Variants in NRXN1 observed in about 807,000 individuals in gnomAD.
NRXN1 encodes the protein neurexin 1, also known as neurexin-1.
In NRXN1, 39 loss-of-function variants were observed where a neutral mutation model predicts 150.9. The ratio of observed to expected loss-of-function variants is 0.26; its 90% CI spans 0.20 to 0.34. The LOEUF (loss-of-function observed/expected upper bound fraction) is 0.34. Among genes scored for constraint, NRXN1 ranks in the 10% least tolerant of loss-of-function variants. NRXN1 has a pLI of 1.00. For missense variants in NRXN1, 1,815 were observed against 1,949.9 expected (o/e 0.93, Z 1.30); for synonymous variants, 924 against 757.0 (o/e 1.22, Z -3.62).
chr2:50,207,401 A>AT (rs1486133214), intron 18 of NRXN1: 3 of 152,124 alleles, frequency 2.0e-5, no homozygotes, highest in East Asian at 3.9e-4. Context: ...TGGAAAAAAT[A>AT]TTTTTTTATT....
intron 15 of NRXN1, among the ~76,000 whole-genome samples, chr2:50,483,275 A>AT (rs1396552240): frequency 6.6e-6 from 1 of 152,048 alleles, no homozygotes; most frequent in Admixed American, 6.5e-5. Context: ...CAGTTCTGGG[A>AT]ATTTCCCACT....
Position 50,616,601 on chromosome 2 carries a change from C to A in NRXN1, c.1320+3421G>T, listed in dbSNP as rs1236380634. The A allele has an allele frequency of 2.0e-5, 3 of 151,982 alleles. No homozygotes were observed. The East Asian group carries it at 5.8e-4, about 29-fold the overall frequency. 9.4% of individuals were successfully genotyped at this position (151,982 alleles called of 1,614,324 possible). On this transcript the variant is annotated intron_variant, in intron 8 of 22. Coordinates refer to ENST00000401669, the MANE Select transcript of NRXN1 (RefSeq NM_001330078.2). ...TCGGCCATTTAAATATTATATTTTC[C>A]TTGATAGGGTTCTGTATTCTAATCC...
At chr2:50,909,302 T>A (rs1425340328) in intron 5 of NRXN1, among the ~76,000 whole-genome samples, 1 of 152,074 alleles carries the variant, frequency 6.6e-6, no homozygotes, top group East Asian at 1.9e-4. Context: ...AAGTACAGCC[T>A]TCTGAAAGCA....
intron 2 of NRXN1, among the ~76,000 whole-genome samples, chr2:50,993,107 T>C (rs1367819450): frequency 6.6e-6 from 1 of 151,944 alleles, no homozygotes; most frequent in Non-Finnish European, 1.5e-5. Context: ...ATTTGAAGCA[T>C]ACATGTATTA....
chr2:50,218,985 G>A (rs1038099487), intron 18 of NRXN1, among the ~76,000 whole-genome samples: 4 of 151,774 alleles, frequency 2.6e-5, no homozygotes, highest in Non-Finnish European at 2.9e-5. Flanking sequence ...ATTGCCAATG[G>A]ATTTAAATGT....
At chr2:50,557,775 T>G (rs1450875391) in intron 8 of NRXN1, among the ~76,000 whole-genome samples, 1 of 152,218 alleles carries the variant, frequency 6.6e-6, no homozygotes, top group African/African-American at 2.4e-5. Flanking sequence ...GCTACACAAT[T>G]TAATTGTCAT....
At chr2:50,795,926 C>T (rs1706761516) in intron 5 of NRXN1, among the ~76,000 whole-genome samples, 1 of 151,752 alleles carries the variant, frequency 6.6e-6, no homozygotes, top group African/African-American at 2.4e-5. Flanking sequence ...CAATAATGTA[C>T]TGAGTCAGGG....
intron 2 of NRXN1, chr2:50,964,107 G>T: frequency 3.4e-6 from 1 of 292,646 alleles, no homozygotes; most frequent in African/African-American, 2.2e-5. Flanking sequence ...TTTCGACAAC[G>T]ATTACAAAAT....
chr2:50,691,646 T>A (rs867221103), intron 5 of NRXN1, among the ~76,000 whole-genome samples: 1 of 152,158 alleles, frequency 6.6e-6, no homozygotes, highest in Non-Finnish European at 1.5e-5. Flanking sequence ...TTATATAGAA[T>A]CGGCAGATTG....
rs145935176 is a variant in NRXN1, at chr2:50,024,394, G to T, written c.4128+28877C>A. 2.5e-3 allele frequency among the ~76,000 whole-genome samples: 376 copies of T among 152,204 alleles called. 2 individuals carry two copies. The highest frequency in any genetic ancestry group is 8.8e-3 in the African/African-American group (364 of 41,534). On this transcript the variant is annotated intron_variant, in intron 21 of 22. Coordinates refer to ENST00000401669, the MANE Select transcript of NRXN1 (RefSeq NM_001330078.2). ...AGGTTAAACTCAAGATAATAAAAAG[G>T]TTTCCCCTTGGTCTTATGCCCTACT...
chr2:50,846,913 C>G (rs1673742450), intron 5 of NRXN1, among the ~76,000 whole-genome samples: 1 of 152,018 alleles, frequency 6.6e-6, no homozygotes, highest in South Asian at 2.1e-4. Context: ...ACAGGCAATC[C>G]TACAATTTTT....
In NRXN1 at chr2:50,599,011, A is replaced by T. The variant is rs560839440; in HGVS notation, c.1320+21011T>A. On this transcript the variant is annotated intron_variant, in intron 8 of 22. Transcript: ENST00000401669. ...GCTCTCGAACTCCTGACCTAAAGTG[A>T]TCCACTCGCCTCAGCCTCCCAAAGT... Among the ~76,000 whole-genome samples the T allele has an allele frequency of 2.3e-4, 35 of 152,116 alleles. No homozygotes were observed. In the Middle Eastern group the frequency reaches 0.01, roughly 44 times the overall value.
In NRXN1 at chr2:50,069,163, A is replaced by G. The variant is rs150524076; in HGVS notation, c.3719-14119T>C. Among the ~76,000 whole-genome samples the G allele has an allele frequency of 7.9e-5, 12 of 152,322 alleles. No individual in the cohort carries two copies. In the East Asian group the frequency reaches 2.3e-3, roughly 29 times the overall value. On this transcript the variant is annotated intron_variant, in intron 19 of 22. Coordinates refer to ENST00000401669, the MANE Select transcript of NRXN1 (RefSeq NM_001330078.2). ...CTTTGGATAGCAATGAAGTCTTAAA[A>G]TGACATTTTAATCCATATATTAATG...
At chr2:50,355,841 T>A (rs1302133520) in intron 17 of NRXN1, among the ~76,000 whole-genome samples, 1 of 152,162 alleles carries the variant, frequency 6.6e-6, no homozygotes, top group Non-Finnish European at 1.5e-5. Flanking sequence ...TATCACCATG[T>A]TTAGTGGTTA....
intron 17 of NRXN1, among the ~76,000 whole-genome samples, chr2:50,286,599 T>C (rs2072213031): frequency 6.6e-6 from 1 of 152,096 alleles, no homozygotes; most frequent in Admixed American, 6.6e-5. Flanking sequence ...CATCTTAATG[T>C]GCCACAGATA....
At chr2:50,192,088 T>C (rs1031707832) in intron 18 of NRXN1, among the ~76,000 whole-genome samples, 2 of 152,164 alleles carry the variant, frequency 1.3e-5, no homozygotes, top group African/African-American at 2.4e-5. Context: ...CTAAAAATAT[T>C]ATATATCCTA....
intron 17 of NRXN1, among the ~76,000 whole-genome samples, chr2:50,433,233 A>T (rs1033048331): frequency 6.6e-6 from 1 of 152,330 alleles, no homozygotes; most frequent in African/African-American, 2.4e-5. Flanking sequence ...TAGACTTCTC[A>T]TTAAGAAGTA....
At chr2:50,355,098 G>T (rs1256696072) in intron 17 of NRXN1, among the ~76,000 whole-genome samples, 1 of 151,864 alleles carries the variant, frequency 6.6e-6, no homozygotes, top group African/African-American at 2.4e-5. Context: ...AAAACAATTT[G>T]ATTTATCTTT....
At chr2:50,205,022 A>G (rs1193042720) in intron 18 of NRXN1, among the ~76,000 whole-genome samples, 8 of 152,050 alleles carry the variant, frequency 5.3e-5, no homozygotes, top group East Asian at 3.9e-4. Flanking sequence ...TGAAGTGAAT[A>G]TCAGTACTAT....
Sources: allele counts gnomAD v4.1 joint callset (sites outside exome capture counted in the v4.1 genomes callset), GRCh38; gene constraint gnomAD v4.1.1; transcripts MANE v1.5; gene names NCBI Gene and HGNC (gene_info 2026-07-23, HGNC 2026-07-21).